ATP10A: variants seen among roughly 807,000 people sequenced by gnomAD.
ATP10A encodes the protein phospholipid-transporting ATPase VA.
A neutral mutation model predicts 147.8 loss-of-function variants in ATP10A; 111 were observed. That is an observed-to-expected ratio of 0.75 (90% CI 0.64 to 0.88). The LOEUF is 0.88. ATP10A is among the 40% of genes least tolerant of loss of function. ATP10A has a pLI of 0.00. For synonymous variants in ATP10A, 875 were observed against 841.6 expected, an observed-to-expected ratio of 1.04 and a Z score of -0.69; for missense variants, 1,927 against 1,959.0, an observed-to-expected ratio of 0.98 and a Z score of 0.31.
chr15:25,679,389 C>A lies in ATP10A; in HGVS notation c.4452G>T (p.Gly1484=). 1 of 1,608,432 alleles carries A rather than the reference C, an allele frequency of 6.2e-7. No individual in the cohort carries two copies. The highest frequency in any genetic ancestry group is 8.5e-7 in the Non-Finnish European group (1 of 1,175,352). ...CTCCTATAAGTAGTCTGTGGTCTGG[C>A]CCTTGAAGTCCTGATCGGCCTGAGT... The part of the protein sequence containing the change: ...QPHSGRSGLQ[G]PDHRLLIGAS... Residue 1484 remains glycine (G), a synonymous_variant, in exon 21 of 21, where the codon GGG becomes GGT. Transcript: ENST00000555815.
intron 13 of ATP10A, among the ~76,000 whole-genome samples, chr15:25,696,337 G>A (rs563630777): frequency 7.9e-5 from 12 of 152,238 alleles, no homozygotes; most frequent in Non-Finnish European, 1.5e-4. Flanking sequence ...CAGGATGTGC[G>A]AAAGTGTGGA....
At chr15:25,680,655 G>C (rs528036296) in intron 19 of ATP10A, among the ~76,000 whole-genome samples, 155 bp downstream of exon 19, 9 of 152,154 alleles carry the variant, frequency 5.9e-5, no homozygotes, top group Non-Finnish European at 1.3e-4. Context: ...CACAGGGCTC[G>C]GGAATGTGTC....
At position 25,862,745 on chromosome 15, in the gene ATP10A, T is replaced by A; in HGVS notation, c.352A>T (p.Ile118Phe). 1.2e-6 allele frequency: 2 copies of A among 1,612,326 alleles called. No homozygotes were observed. The highest frequency in any genetic ancestry group is 1.7e-6 in the Non-Finnish European group (2 of 1,179,392). Residue 118 changes from isoleucine to phenylalanine, a missense_variant, in exon 1 of 21, where the codon ATC (isoleucine) becomes TTC (phenylalanine). By Grantham distance (21) the Ile-to-Phe change is conservative. Coordinates refer to ENST00000555815, the MANE Select transcript of ATP10A (RefSeq NM_024490.4). ...TCCCTGAAGGCCGTGATGGCCAGGA[T>A]GAAGAGCACCGGCGCCAGTGCCAGG... The part of the protein sequence containing the change: ...PGLALAPVLF[I>F]LAITAFRDLW...
At chr15:25,812,239 C>G (rs1891465914) in intron 1 of ATP10A, among the ~76,000 whole-genome samples, 1 of 152,176 alleles carries the variant, frequency 6.6e-6, no homozygotes, top group Non-Finnish European at 1.5e-5. Flanking sequence ...GTATCAATCA[C>G]ACTTCAAAAT....
chr15:25,778,887 T>A (rs1283605836), intron 2 of ATP10A, among the ~76,000 whole-genome samples: 4 of 151,934 alleles, frequency 2.6e-5, no homozygotes, highest in African/African-American at 9.7e-5. Flanking sequence ...TTCTTCTTTA[T>A]TTTTTTTGAG....
rs533190897 is a variant in ATP10A at position 25,844,138 on chromosome 15, C to T, written c.449+18510G>A. On this transcript the variant is annotated intron_variant, in intron 1 of 20. Coordinates refer to ENST00000555815, the MANE Select transcript of ATP10A (RefSeq NM_024490.4). The stretch of plus-strand genomic sequence containing the variant: ...CAAAGCACACGGTATTAAAACATAC[C>T]TCTGTCATACACTTTGCTCGCATAT... 7.2e-5 allele frequency among the ~76,000 whole-genome samples: 11 copies of T among 152,302 alleles called. No homozygotes were observed. In the South Asian group the frequency reaches 2.3e-3, roughly 32 times the overall value.
At chr15:25,751,724 T>C (rs551172921) in intron 2 of ATP10A, among the ~76,000 whole-genome samples, 5 of 152,132 alleles carry the variant, frequency 3.3e-5, no homozygotes, top group Non-Finnish European at 7.4e-5. Flanking sequence ...TGGGAGAAAA[T>C]ATCTGCAAGC....
chr15:25,679,953 C>A lies in ATP10A; in HGVS notation c.3888G>T (p.Gln1296His). Reference protein sequence around the residue: ...LLPRLFFRSLQGRVFPTQLQL... With the variant: ...LLPRLFFRSLHGRVFPTQLQL... The stretch of plus-strand genomic sequence containing the variant: ...GAAGTTGTGTGGGGAAAACCCTCCC[C>A]TGGAGGGATCTGAAAAACAATCTAG... The change falls in exon 21 of 21, where the codon CAG becomes CAT. Residue 1296 changes from glutamine to histidine, a missense_variant. Coordinates refer to ENST00000555815, the MANE Select transcript of ATP10A (RefSeq NM_024490.4). 2 of 1,596,220 alleles carry A rather than the reference C, an allele frequency of 1.3e-6. No homozygotes were observed. The highest frequency in any genetic ancestry group is 1.7e-4 in the Middle Eastern group (1 of 5,978).
At chr15:25,672,421 T>C (rs1567290080), downstream of ATP10A, among the ~76,000 whole-genome samples, 1 of 152,256 alleles carries the variant, frequency 6.6e-6, no homozygotes, top group East Asian at 1.9e-4. Context: ...ATCTGTTGGC[T>C]ATTGTGCAGA....
chr15:25,738,062 A>G (rs1306740248), intron 2 of ATP10A, among the ~76,000 whole-genome samples: 1 of 152,184 alleles, frequency 6.6e-6, no homozygotes, highest in Non-Finnish European at 1.5e-5. Context: ...TTCTCATTTA[A>G]AAAGCATTTC....
chr15:25,805,458 C>T (rs1275379221), intron 1 of ATP10A, among the ~76,000 whole-genome samples: 6 of 152,212 alleles, frequency 3.9e-5, no homozygotes, highest in Admixed American at 3.9e-4. Flanking sequence ...TTACACGCGT[C>T]CTTATTTTTG....
intron 7 of ATP10A, 108 bp downstream of exon 7, chr15:25,721,543 CGTGTGT>C (rs59037981): frequency 0.059 from 43,420 of 733,210 alleles, 49 homozygotes; most frequent in East Asian, 0.11. Context: ...ATCCCTGAAG[CGTGTGT>C]GTGTGTGTGT....
intron 1 of ATP10A, among the ~76,000 whole-genome samples, chr15:25,859,199 G>C (rs923548922): frequency 2.6e-5 from 4 of 152,160 alleles, no homozygotes; most frequent in Non-Finnish European, 5.9e-5. Context: ...CTCCAGCCCT[G>C]CCCAGCAGGA....
intron 1 of ATP10A, among the ~76,000 whole-genome samples, chr15:25,848,536 G>A (rs1893136943): frequency 1.3e-5 from 2 of 152,168 alleles, no homozygotes; most frequent in South Asian, 4.2e-4. Context: ...GCAGGGCGGC[G>A]GGAGAGAATG....
rs1889655049 is a variant in ATP10A at position 25,777,141 on chromosome 15, C to T, written c.654+3878G>A. On this transcript the variant is annotated intron_variant, in intron 2 of 20. Coordinates refer to ENST00000555815, the MANE Select transcript of ATP10A (RefSeq NM_024490.4). ...TGTACCCGTTCCGCACTGCCCACTC[C>T]CTCCAGGTTTCTCCAGGGCTTGGCC... Among the ~76,000 whole-genome samples, 3 of 150,664 alleles carry T rather than the reference C, an allele frequency of 2.0e-5. No individual in the cohort carries two copies. In the South Asian group the frequency reaches 6.3e-4, roughly 32 times the overall value.
At chr15:25,832,774 T>G (rs1892416082) in intron 1 of ATP10A, among the ~76,000 whole-genome samples, 4 of 152,068 alleles carry the variant, frequency 2.6e-5, no homozygotes, top group Admixed American at 2.6e-4. Flanking sequence ...GGACTATAGT[T>G]AACAGTAATT....
chr15:25,783,274 C>T (rs1408640254), intron 1 of ATP10A, among the ~76,000 whole-genome samples: 1 of 152,144 alleles, frequency 6.6e-6, no homozygotes, highest in African/African-American at 2.4e-5. Flanking sequence ...ACTAATCCTC[C>T]CATCCTACAC....
chr15:25,686,082 T>C (rs965719895), intron 16 of ATP10A, among the ~76,000 whole-genome samples: 1 of 152,028 alleles, frequency 6.6e-6, no homozygotes, highest in Non-Finnish European at 1.5e-5. Flanking sequence ...CCTCAGATAG[T>C]CCCAGGCACA....
intron 1 of ATP10A, among the ~76,000 whole-genome samples, chr15:25,835,268 C>T (rs1229716097): frequency 6.6e-6 from 1 of 152,140 alleles, no homozygotes; most frequent in Non-Finnish European, 1.5e-5. Context: ...GAGACCTTAT[C>T]TCTTAAAAAT....
Sources: allele counts gnomAD v4.1 joint callset (sites outside exome capture counted in the v4.1 genomes callset), GRCh38; gene constraint gnomAD v4.1.1; transcripts MANE v1.5; gene names NCBI Gene and HGNC (gene_info 2026-07-23, HGNC 2026-07-21).